LOC102723971: variants seen among roughly 807,000 people sequenced by gnomAD.
the LOC102723971 span, among the ~76,000 whole-genome samples, chr9:135,619,366 C>T: frequency 2.0e-5 from 3 of 152,132 alleles, no homozygotes; most frequent in African/African-American, 4.8e-5. Flanking sequence ...TCCCAGGTGC[C>T]TCCGATGCAC....
At chr9:135,618,135 G>T in the LOC102723971 span, 1 of 397,710 alleles carries the variant, frequency 2.5e-6, no homozygotes. Flanking sequence ...CACCACTGAG[G>T]GTGTAGCCCA....
the LOC102723971 span, chr9:135,616,552 G>A: frequency 2.5e-6 from 1 of 398,654 alleles, no homozygotes; most frequent in Non-Finnish European, 4.4e-6. Flanking sequence ...ACAGTTGGAG[G>A]CTGACCAGGC....
the LOC102723971 span, chr9:135,615,397 C>T: frequency 7.5e-6 from 3 of 398,800 alleles, no homozygotes; most frequent in Non-Finnish European, 1.3e-5. Context: ...AGCTGGCAGC[C>T]AACCACGCAG....
the LOC102723971 span, among the ~76,000 whole-genome samples, chr9:135,619,811 T>C: frequency 0.056 from 8,530 of 151,646 alleles, 337 homozygotes; most frequent in East Asian, 0.19. Flanking sequence ...AAGACAGGTA[T>C]GTCCAGAGGC....
At chr9:135,618,474 C>T in the LOC102723971 span, among the ~76,000 whole-genome samples, 283 of 152,212 alleles carry the variant, frequency 1.9e-3, 1 homozygote, top group African/African-American at 6.1e-3. Flanking sequence ...TCATCCAGCC[C>T]TAGTGCAGGT....
At chr9:135,614,188 G>A in the LOC102723971 span, 641 of 398,442 alleles carry the variant, frequency 1.6e-3, 5 homozygotes, top group Middle Eastern at 5.7e-3. Flanking sequence ...AGGTGGGTCC[G>A]GGCAGCGCAG....
chr9:135,619,044 G>A, the LOC102723971 span: 1 of 401,246 alleles, frequency 2.5e-6, no homozygotes, highest in South Asian at 1.2e-4. Context: ...ACCTTGGCTT[G>A]TGGCCTGGAC....
the LOC102723971 span, chr9:135,619,058 C>T: frequency 1.2e-3 from 478 of 400,004 alleles, no homozygotes; most frequent in African/African-American, 8.8e-3. Context: ...CCTGGACTGT[C>T]CCCAGGTCCC....
At chr9:135,616,390 C>A in the LOC102723971 span, among the ~76,000 whole-genome samples, 5 of 152,350 alleles carry the variant, frequency 3.3e-5, no homozygotes, top group South Asian at 1.0e-3. Flanking sequence ...GGCTGCATGA[C>A]CCTGGTGCCT....
chr9:135,616,511 G>C, the LOC102723971 span: 1 of 398,008 alleles, frequency 2.5e-6, no homozygotes, highest in Non-Finnish European at 4.4e-6. Flanking sequence ...CCCTGAGAGG[G>C]CCACCACGTC....
chr9:135,617,763 G>A, the LOC102723971 span, among the ~76,000 whole-genome samples: 22,543 of 152,068 alleles, frequency 0.15, 1,782 homozygotes, highest in East Asian at 0.29. Flanking sequence ...GGCCGGGCCT[G>A]GGAGGTCGCA....
chr9:135,615,456 G>A, the LOC102723971 span: 9 of 398,600 alleles, frequency 2.3e-5, no homozygotes, highest in East Asian at 1.4e-4. Flanking sequence ...CACTCCATCC[G>A]GACCAGGGAC....
At chr9:135,619,890 C>T in the LOC102723971 span, among the ~76,000 whole-genome samples, 1 of 114,294 alleles carries the variant, frequency 8.7e-6, no homozygotes, top group East Asian at 3.5e-4. Flanking sequence ...CCCCAATCTC[C>T]CCCGTCTCCC....
chr9:135,617,846 C>G, the LOC102723971 span: 4 of 396,860 alleles, frequency 1.0e-5, no homozygotes, highest in Admixed American at 4.4e-5. Flanking sequence ...TGGCCGATGC[C>G]CAGGGCCTCT....
chr9:135,617,489 G>A, the LOC102723971 span, among the ~76,000 whole-genome samples: 1 of 152,280 alleles, frequency 6.6e-6, no homozygotes, highest in East Asian at 1.9e-4. Context: ...AGATGGGGCT[G>A]GGGGCATTTC....
At chr9:135,616,894 C>T in the LOC102723971 span, 9 of 398,662 alleles carry the variant, frequency 2.3e-5, no homozygotes, top group African/African-American at 1.2e-4. Flanking sequence ...TCAGCTGGCC[C>T]GGGGTCTCCA....
At chr9:135,615,459 C>T in the LOC102723971 span, 557 of 398,738 alleles carry the variant, frequency 1.4e-3, 2 homozygotes, top group African/African-American at 1.0e-2. Flanking sequence ...TCCATCCGGA[C>T]CAGGGACGGC....
the LOC102723971 span, chr9:135,618,174 G>A: frequency 6.6e-5 from 26 of 395,180 alleles, no homozygotes; most frequent in Non-Finnish European, 1.2e-4. Context: ...CCAGGCCTGT[G>A]CCGGCTGCTT....
At chr9:135,618,077 C>T in the LOC102723971 span, 49 of 398,664 alleles carry the variant, frequency 1.2e-4, no homozygotes, top group East Asian at 1.4e-3. Flanking sequence ...ATCCTGGAGC[C>T]GGACGGGAAG....
Sources: allele counts gnomAD v4.1 joint callset (sites outside exome capture counted in the v4.1 genomes callset), GRCh38; gene constraint gnomAD v4.1.1; transcripts MANE v1.5.